Variants in GRM8 observed in about 807,000 individuals in gnomAD.
The protein encoded by GRM8 is glutamate metabotropic receptor 8, also known as metabotropic glutamate receptor 8.
Under a neutral mutation model 87.2 loss-of-function variants are expected in GRM8, and 47 were observed. The observed-to-expected ratio is 0.54, with a 90% CI of 0.43 to 0.69. The LOEUF is 0.69. Ranked by LOEUF, GRM8 falls within the 30% of genes least tolerant of loss-of-function variation. GRM8 has a pLI of 0.00. For synonymous variants in GRM8, 396 were observed against 404.5 expected (o/e 0.98, Z 0.25); for missense variants, 1,019 against 1,139.2 (o/e 0.89, Z 1.52).
intron 8 of GRM8, among the ~76,000 whole-genome samples, chr7:126,593,322 C>G (rs1276918257): frequency 6.6e-6 from 1 of 151,956 alleles, no homozygotes; most frequent in Non-Finnish European, 1.5e-5. Context: ...GTGAAAAGAA[C>G]AAAGCTGCAT....
rs199631296 is a variant in GRM8, at chr7:126,904,580, T to C, written c.831A>G (p.Ala277=). Residue 277 remains alanine, a synonymous_variant, in exon 4 of 11, where the codon GCA becomes GCG. Coordinates refer to ENST00000339582, the MANE Select transcript of GRM8 (RefSeq NM_000845.3). ...CATCCTCATTGGCAAACATAATCAC[T>C]GCTCGAGCATTAGGTGTTTCTAGCA... is the stretch of plus-strand genomic sequence containing the variant. ...KRLLETPNAR[A]VIMFANEDDI... 3 of 1,613,762 alleles carry C rather than the reference T, an allele frequency of 1.9e-6. No homozygotes were observed. The highest frequency in any genetic ancestry group is 1.3e-5 in the African/African-American group (1 of 74,926).
chr7:127,225,955 A>G (rs1797294268), intron 2 of GRM8, among the ~76,000 whole-genome samples: 1 of 152,144 alleles, frequency 6.6e-6, no homozygotes, highest in Non-Finnish European at 1.5e-5. Context: ...TTTAAAAAAT[A>G]CATATATCTG....
intron 6 of GRM8, among the ~76,000 whole-genome samples, chr7:126,780,609 A>C (rs1819953547): frequency 6.6e-6 from 1 of 152,138 alleles, no homozygotes; most frequent in Admixed American, 6.6e-5. Flanking sequence ...AGTAGAGGGG[A>C]GCACAGGATG....
chr7:126,603,804 T>C (rs78428061), intron 8 of GRM8, among the ~76,000 whole-genome samples: 3,123 of 152,142 alleles, frequency 0.021, 121 homozygotes, highest in African/African-American at 0.072. Context: ...GTAAGCAACT[T>C]TGCAAACAGG....
intron 9 of GRM8, among the ~76,000 whole-genome samples, chr7:126,498,300 T>C (rs181927898): frequency 2.6e-5 from 4 of 152,080 alleles, no homozygotes; most frequent in South Asian, 4.1e-4. Flanking sequence ...ACATCTTGAC[T>C]GCTCATGCAT....
At chr7:127,136,917 G>T (rs1029707533) in intron 2 of GRM8, among the ~76,000 whole-genome samples, 1 of 151,828 alleles carries the variant, frequency 6.6e-6, no homozygotes, top group African/African-American at 2.4e-5. Context: ...ATTTCTAAAA[G>T]ACTTTCAATC....
intron 7 of GRM8, among the ~76,000 whole-genome samples, chr7:126,669,124 A>T (rs1806109716): frequency 6.6e-6 from 1 of 152,164 alleles, no homozygotes; most frequent in Non-Finnish European, 1.5e-5. Flanking sequence ...CAGCAAGAAC[A>T]CATGGACACA....
rs1034310640 is a variant in GRM8, at chr7:127,165,904, G to GA, written c.511-59193dup. Reference sequence around the variant, plus strand: ...GTTTTTGGTACTGGTAGGAGTGGGGGAATCAGAGAAATCTGGGCATGGGAG... The same window carrying GA: ...GTTTTTGGTACTGGTAGGAGTGGGGGAAATCAGAGAAATCTGGGCATGGGAG... On this transcript the variant is annotated intron_variant, in intron 2 of 10. Transcript: ENST00000339582. Among the ~76,000 whole-genome samples the GA allele has an allele frequency of 1.4e-4, 22 of 152,242 alleles. 1 individual carries two copies. The highest frequency in any genetic ancestry group is 7.2e-4 in the Admixed American group (11 of 15,274).
At chr7:126,485,145 A>G (rs1807204231) in intron 9 of GRM8, among the ~76,000 whole-genome samples, 1 of 152,102 alleles carries the variant, frequency 6.6e-6, no homozygotes. Context: ...TGCAATAAGC[A>G]TTTTTAAGCA....
intron 3 of GRM8, among the ~76,000 whole-genome samples, chr7:126,988,969 G>A (rs1410995384): frequency 1.3e-5 from 2 of 152,022 alleles, no homozygotes; most frequent in African/African-American, 4.8e-5. Flanking sequence ...TATAGTACTG[G>A]GGCCAAATGT....
intron 3 of GRM8, among the ~76,000 whole-genome samples, chr7:126,939,263 T>C (rs982917138): frequency 6.6e-6 from 1 of 152,158 alleles, no homozygotes; most frequent in Non-Finnish European, 1.5e-5. Flanking sequence ...GCATGATCAA[T>C]GTGATAAAAT....
intron 3 of GRM8, among the ~76,000 whole-genome samples, chr7:126,930,321 G>C (rs1178921431): frequency 6.6e-6 from 1 of 152,200 alleles, no homozygotes; most frequent in Non-Finnish European, 1.5e-5. Flanking sequence ...TGAGCTATAT[G>C]AGCTAGCACA....
intron 9 of GRM8, among the ~76,000 whole-genome samples, chr7:126,496,671 T>C (rs1225151694): frequency 6.6e-6 from 1 of 151,976 alleles, no homozygotes; most frequent in Non-Finnish European, 1.5e-5. Flanking sequence ...CAGAGGTCAG[T>C]TGCACTTAAA....
intron 9 of GRM8, among the ~76,000 whole-genome samples, chr7:126,478,478 C>A (rs531089773): frequency 2.0e-5 from 3 of 151,982 alleles, no homozygotes; most frequent in South Asian, 2.1e-4. Flanking sequence ...GATTATTTTT[C>A]TCATAATTAG....
At chr7:126,806,445 G>A (rs73228911) in intron 6 of GRM8, among the ~76,000 whole-genome samples, 30,825 of 152,240 alleles carry the variant, frequency 0.2, 3,455 homozygotes, top group East Asian at 0.5. Flanking sequence ...AAGAGGACCC[G>A]AGTGCATTGT....
intron 8 of GRM8, among the ~76,000 whole-genome samples, chr7:126,559,027 G>A (rs1793428714): frequency 6.6e-6 from 1 of 152,060 alleles, no homozygotes; most frequent in Non-Finnish European, 1.5e-5. Context: ...TTTTTCCAGA[G>A]CAAATCATGG....
intron 2 of GRM8, among the ~76,000 whole-genome samples, chr7:127,223,416 T>C (rs898038508): frequency 1.3e-5 from 2 of 150,242 alleles, no homozygotes; most frequent in African/African-American, 2.5e-5. Flanking sequence ...ATAACCACTC[T>C]ACTCGAAACA....
intron 3 of GRM8, among the ~76,000 whole-genome samples, chr7:127,097,579 G>A (rs1214909591): frequency 1.3e-5 from 2 of 152,210 alleles, no homozygotes; most frequent in East Asian, 3.9e-4. Context: ...ATACAGCTTT[G>A]TTATGCCTTT....
At chr7:126,805,378 C>T (rs1237276105) in intron 6 of GRM8, among the ~76,000 whole-genome samples, 2 of 152,190 alleles carry the variant, frequency 1.3e-5, no homozygotes, top group South Asian at 2.1e-4. Context: ...ACAAAGCTTC[C>T]GCATCCCCCT....
Sources: gnomAD v4.1 joint callset for allele counts (sites outside exome capture counted in the v4.1 genomes callset) on GRCh38, gnomAD v4.1.1 for gene constraint, MANE v1.5 for transcripts, NCBI Gene and HGNC (gene_info 2026-07-23, HGNC 2026-07-21) for gene names.